Variants in PARD3B observed in about 807,000 individuals in gnomAD.
The protein encoded by PARD3B is par-3 family cell polarity regulator beta.
A neutral mutation model predicts 130.2 loss-of-function variants in PARD3B; 103 were observed. The observed-to-expected ratio is 0.79, with a 90% CI of 0.67 to 0.93. The LOEUF (loss-of-function observed/expected upper bound fraction) is 0.93. Among genes scored for constraint, PARD3B ranks in the 40% least tolerant of loss-of-function variants. PARD3B has a pLI of 0.00. For missense variants in PARD3B, 1,609 were observed against 1,499.2 expected (o/e 1.07, Z -1.21); for synonymous variants, 583 against 553.2 (o/e 1.05, Z -0.76).
At position 205,183,428 on chromosome 2, in the gene PARD3B, A is replaced by G. The variant is rs781370212; in HGVS notation, c.1925-2336A>G. Among the ~76,000 whole-genome samples the G allele has an allele frequency of 6.6e-6, 1 of 152,170 alleles. No homozygotes were observed. Among genetic ancestry groups the G allele is most frequent in the Non-Finnish European group, 1.5e-5 (1 of 68,008 alleles). Reference sequence around the variant, plus strand: ...TGTCCCAGGATGTCCATTGTCCCCAATTTACATTACAGTCCTTCTGTTCTG... The same window carrying G: ...TGTCCCAGGATGTCCATTGTCCCCAGTTTACATTACAGTCCTTCTGTTCTG... On this transcript the variant is annotated intron_variant, in intron 13 of 22. Coordinates refer to ENST00000406610, the MANE Select transcript of PARD3B (RefSeq NM_001302769.2). The surrounding 1 kb of genome is among the most constrained non-coding windows in gnomAD (Gnocchi z 5.2).
chr2:204,652,127 C>T (rs1200225297), intron 1 of PARD3B, among the ~76,000 whole-genome samples: 2 of 152,166 alleles, frequency 1.3e-5, no homozygotes, highest in African/African-American at 2.4e-5. Context: ...TAACATTAGG[C>T]TCTTCTTTAC....
chr2:205,499,348 TTTTG>T (rs2050070502), intron 20 of PARD3B, among the ~76,000 whole-genome samples: 1 of 151,964 alleles, frequency 6.6e-6, no homozygotes, highest in African/African-American at 2.4e-5. Context: ...TACTGTTTTG[TTTTG>T]TTTTTTTACT....
At chr2:205,489,522 T>TATATAAGTATATATATAC (rs1559141351) in intron 20 of PARD3B, among the ~76,000 whole-genome samples, 1 of 126,416 alleles carries the variant, frequency 7.9e-6, no homozygotes, top group African/African-American at 2.9e-5. Context: ...TATATATATA[T>TATATAAGTATATATATAC]ACACACATAT....
chr2:205,485,519 G>A (rs2049403694), intron 20 of PARD3B, among the ~76,000 whole-genome samples: 1 of 152,258 alleles, frequency 6.6e-6, no homozygotes, highest in African/African-American at 2.4e-5. Flanking sequence ...AGCTCAGAGA[G>A]GTCAGCTAGT....
rs928198353 is a variant in PARD3B at position 204,546,313 on chromosome 2, C to T, written c.120+194C>T. 7.8e-6 allele frequency: 6 copies of T among 764,842 alleles called. No homozygotes were observed. The African/African-American group carries it at 8.9e-5, about 11-fold the overall frequency. The allele number at this position is 764,842 out of a possible 1,614,324, so 47.4% of individuals were successfully genotyped here. ...TTTGTGGGCCTTGAGCTCCGAGGGTCGTGAGTGGACCTGCAGCATTGGAAT... is the reference window on the plus strand; with the variant it reads ...TTTGTGGGCCTTGAGCTCCGAGGGTTGTGAGTGGACCTGCAGCATTGGAAT... On this transcript the variant is annotated intron_variant, in intron 1 of 22. Coordinates refer to ENST00000406610, the MANE Select transcript of PARD3B (RefSeq NM_001302769.2).
rs186085942 is a variant in PARD3B, at chr2:205,008,482, G to T, written c.395-39099G>T. Among the ~76,000 whole-genome samples, 3 of 151,924 alleles carry T rather than the reference G, an allele frequency of 2.0e-5. No individual in the cohort carries two copies. In the East Asian group the frequency reaches 5.8e-4, roughly 29 times the overall value. On this transcript the variant is annotated intron_variant, in intron 3 of 22. Coordinates refer to ENST00000406610, the MANE Select transcript of PARD3B (RefSeq NM_001302769.2). The stretch of plus-strand genomic sequence containing the variant: ...TGTGCCTTTCACTGCCCTCAACAAC[G>T]TTGACCTTTGACATTAATATAATAC...
At chr2:204,855,572 T>A (rs1025116796) in intron 2 of PARD3B, among the ~76,000 whole-genome samples, 5 of 148,538 alleles carry the variant, frequency 3.4e-5, no homozygotes, top group Non-Finnish European at 7.4e-5. Context: ...TATATATATA[T>A]AAGGAATTTA....
At chr2:204,781,341 C>T (rs1391662151) in intron 2 of PARD3B, among the ~76,000 whole-genome samples, 2 of 152,018 alleles carry the variant, frequency 1.3e-5, no homozygotes, top group Non-Finnish European at 2.9e-5. Flanking sequence ...CACAAAAAAA[C>T]ATTAAGGTTC....
At chr2:205,435,751 G>A (rs1339915040) in intron 19 of PARD3B, among the ~76,000 whole-genome samples, 1 of 151,900 alleles carries the variant, frequency 6.6e-6, no homozygotes, top group Non-Finnish European at 1.5e-5. Flanking sequence ...TTATTAACTT[G>A]TGATTTTCAT....
chr2:205,531,548 C>T (rs1007440754), intron 21 of PARD3B, among the ~76,000 whole-genome samples: 1 of 152,068 alleles, frequency 6.6e-6, no homozygotes, highest in African/African-American at 2.4e-5. Context: ...AGAGGGATGG[C>T]ATTACTGCTG....
chr2:205,216,784 T>G (rs2037934482), intron 15 of PARD3B, among the ~76,000 whole-genome samples: 1 of 152,108 alleles, frequency 6.6e-6, no homozygotes, highest in South Asian at 2.1e-4. Context: ...ACGAGCACAT[T>G]CCACTGCAAT....
intron 18 of PARD3B, among the ~76,000 whole-genome samples, chr2:205,317,685 A>G (rs2042608562): frequency 3.9e-5 from 6 of 152,178 alleles, no homozygotes; most frequent in Non-Finnish European, 8.8e-5. Context: ...GCCAGTGTAT[A>G]TAGTCATAAA....
At chr2:204,997,378 A>T (rs1423447019) in intron 3 of PARD3B, among the ~76,000 whole-genome samples, 1 of 152,232 alleles carries the variant, frequency 6.6e-6, no homozygotes, top group Non-Finnish European at 1.5e-5. Context: ...ATGAATGAAC[A>T]TGCTATATCT....
intron 18 of PARD3B, among the ~76,000 whole-genome samples, chr2:205,349,223 C>T (rs1208440345): frequency 6.6e-6 from 1 of 152,122 alleles, no homozygotes. Context: ...TGGTAATCTC[C>T]TTAGCTTTTC....
intron 15 of PARD3B, among the ~76,000 whole-genome samples, chr2:205,194,085 A>G (rs906772625): frequency 5.3e-5 from 8 of 152,232 alleles, no homozygotes; most frequent in African/African-American, 1.9e-4. Flanking sequence ...AAAAGTATGG[A>G]TACAATAAAT....
intron 3 of PARD3B, among the ~76,000 whole-genome samples, chr2:205,003,373 T>A (rs1489541708): frequency 6.6e-6 from 1 of 152,144 alleles, no homozygotes; most frequent in East Asian, 1.9e-4. Context: ...TTGGGGGGCA[T>A]TGGGGGTGGT....
chr2:205,503,862 T>A (rs369932458), intron 21 of PARD3B, among the ~76,000 whole-genome samples: 23 of 152,274 alleles, frequency 1.5e-4, no homozygotes, highest in African/African-American at 5.5e-4. Flanking sequence ...AGCAGTGGTT[T>A]GTAGTTCTCC....
At position 205,550,785 on chromosome 2, in the gene PARD3B, C is replaced by A. The variant is rs551455666; in HGVS notation, c.3181-2539C>A. On this transcript the variant is annotated intron_variant, in intron 21 of 22. Coordinates refer to ENST00000406610, the MANE Select transcript of PARD3B (RefSeq NM_001302769.2). This position sits in a 1 kb window ranked among gnomAD's most constrained non-coding sequence, Gnocchi z 4.5. ...ATAAATACATATATGTATATACATG[C>A]AAATATACAAATATATGCATATTTA... Among the ~76,000 whole-genome samples, 6 of 148,858 alleles carry A rather than the reference C, an allele frequency of 4.0e-5. No homozygotes were observed. The South Asian group carries it at 1.3e-3, about 32-fold the overall frequency.
At chr2:205,571,445 G>A (rs190573308) in intron 22 of PARD3B, among the ~76,000 whole-genome samples, 1 of 152,200 alleles carries the variant, frequency 6.6e-6, no homozygotes, top group Non-Finnish European at 1.5e-5. Context: ...CAAGAAGGCC[G>A]GGGGTCAAGC....
Sources: gnomAD v4.1 joint callset for allele counts (sites outside exome capture counted in the v4.1 genomes callset) on GRCh38, gnomAD v4.1.1 for gene constraint, Gnocchi (gnomAD v3.1) non-coding constraint, MANE v1.5 for transcripts, NCBI Gene and HGNC (gene_info 2026-07-23, HGNC 2026-07-21) for gene names.